Variants in ASIC2 observed in about 807,000 individuals in gnomAD.
ASIC2 encodes acid sensing ion channel subunit 2.
In ASIC2, 25 loss-of-function variants were observed where a neutral mutation model predicts 57.3. The observed-to-expected ratio is 0.44, with a 90% CI of 0.32 to 0.61. The LOEUF (loss-of-function observed/expected upper bound fraction) is 0.61, where lower values mean the gene tolerates loss of function less well. Ranked by LOEUF, ASIC2 falls within the 20% of genes least tolerant of loss-of-function variation. The probability of loss-of-function intolerance (pLI) is 0.06; values close to 1 mark genes in which losing one functional copy is unlikely to be tolerated. For missense variants in ASIC2, 641 were observed against 738.1 expected (o/e 0.87, Z 1.52); for synonymous variants, 319 against 307.5 (o/e 1.04, Z -0.39).
intron 1 of ASIC2, among the ~76,000 whole-genome samples, chr17:33,528,167 G>GGGGTGTGTGTGTGTGTGTGTGTGTGT (rs71362891): frequency 7.0e-5 from 10 of 143,406 alleles, no homozygotes; most frequent in African/African-American, 1.0e-4. Context: ...GTATGTGGTA[G>GGGGTGTGTGTGTGTGTGTGTGTGTGT]GTGTGTGTGT....
chr17:34,065,933 T>G (rs898608151), intron 1 of ASIC2, among the ~76,000 whole-genome samples: 2 of 152,140 alleles, frequency 1.3e-5, no homozygotes, highest in Non-Finnish European at 2.9e-5. Context: ...TCCTAGAAAC[T>G]TATTTAATCC....
At chr17:33,293,393 ACTGTGGCCG>A (rs1905591227), upstream of ASIC2, among the ~76,000 whole-genome samples, 1 of 151,290 alleles carries the variant, frequency 6.6e-6, no homozygotes, top group South Asian at 2.1e-4. Context: ...ATTCCTGGCC[ACTGTGGCCG>A]CTGCACACCG....
At position 33,745,536 on chromosome 17, in the gene ASIC2, A is replaced by C. The variant is rs537242891; in HGVS notation, c.555+410442T>G. Reference sequence around the variant, plus strand: ...AGTCAAAAAAAAAAAAAATCTTAAAAGCAGAAAGAGAAAAATGACTCATCA... The same window carrying C: ...AGTCAAAAAAAAAAAAAATCTTAAACGCAGAAAGAGAAAAATGACTCATCA... On this transcript the variant is annotated intron_variant, in intron 1 of 9. Transcript: ENST00000359872. 5.9e-5 allele frequency among the ~76,000 whole-genome samples: 9 copies of C among 152,166 alleles called. No individual in the cohort carries two copies. The East Asian group carries it at 1.5e-3, about 26-fold the overall frequency.
At chr17:33,281,713 T>C (rs1597664606) in intron 1 of ASIC2, among the ~76,000 whole-genome samples, 1 of 152,174 alleles carries the variant, frequency 6.6e-6, no homozygotes, top group African/African-American at 2.4e-5. Context: ...CGAGGCAGGG[T>C]GTGTCTTAGG....
intron 1 of ASIC2, among the ~76,000 whole-genome samples, chr17:33,472,983 T>C (rs118112199): frequency 0.033 from 5,006 of 152,358 alleles, 89 homozygotes; most frequent in Middle Eastern, 0.078. Context: ...AAAATGGGAA[T>C]ACTAATAGTT....
intron 1 of ASIC2, among the ~76,000 whole-genome samples, chr17:33,363,027 A>G (rs932800671): frequency 1.3e-5 from 2 of 152,210 alleles, no homozygotes; most frequent in Non-Finnish European, 2.9e-5. Flanking sequence ...CTTTGCTTCT[A>G]TTTCCTCTTG....
intron 1 of ASIC2, among the ~76,000 whole-genome samples, chr17:34,010,329 C>T (rs1018814196): frequency 6.6e-6 from 1 of 152,114 alleles, no homozygotes; most frequent in African/African-American, 2.4e-5. Flanking sequence ...GAGCACCAGC[C>T]CCTGAGGTGC....
At chr17:33,814,554 T>C (rs933913407) in intron 1 of ASIC2, among the ~76,000 whole-genome samples, 2 of 152,208 alleles carry the variant, frequency 1.3e-5, no homozygotes, top group African/African-American at 4.8e-5. Context: ...ACCTGGAAGA[T>C]TTCTCTTATG....
intron 1 of ASIC2, among the ~76,000 whole-genome samples, chr17:33,171,663 A>G (rs1352176669): frequency 6.6e-6 from 1 of 152,198 alleles, no homozygotes; most frequent in East Asian, 1.9e-4. Flanking sequence ...CCTTCAAAAC[A>G]CAAATCTGAT....
intron 3 of ASIC2, among the ~76,000 whole-genome samples, chr17:33,085,441 A>G (rs1203981097): frequency 6.6e-6 from 1 of 152,386 alleles, no homozygotes; most frequent in East Asian, 1.9e-4. Flanking sequence ...GTGTTTGAGG[A>G]CCAGGATCAA....
At chr17:34,052,243 C>T (rs1002657831) in intron 1 of ASIC2, among the ~76,000 whole-genome samples, 1 of 152,140 alleles carries the variant, frequency 6.6e-6, no homozygotes, top group Non-Finnish European at 1.5e-5. Context: ...CCTTATTGCC[C>T]CTGAGCCAAG....
At chr17:33,736,362 A>T (rs540063773) in intron 1 of ASIC2, among the ~76,000 whole-genome samples, 1 of 152,116 alleles carries the variant, frequency 6.6e-6, no homozygotes, top group Non-Finnish European at 1.5e-5. Context: ...TGAAAATCCC[A>T]TATTTTATCA....
rs1442072224 is a variant in ASIC2, at chr17:33,515,845, T to C, written c.556-403778A>G. ...GTGCGGTGGCTCACGCCTGTAATCC[T>C]GGCACTTTGGGAGGCTGAGGTGGAT... On this transcript the variant is annotated intron_variant, in intron 1 of 9. Coordinates refer to the ASIC2 transcript ENST00000359872. 2.0e-5 allele frequency among the ~76,000 whole-genome samples: 3 copies of C among 152,236 alleles called. No homozygotes were observed. The East Asian group carries it at 5.8e-4, about 29-fold the overall frequency.
chr17:34,071,498 A>C (rs2142068462), intron 1 of ASIC2: 2 of 152,260 alleles, frequency 1.3e-5, no homozygotes, highest in Non-Finnish European at 2.9e-5. Context: ...CTTATAAAAG[A>C]AGAGGGGGCG....
chr17:33,949,849 T>C (rs1376696562), intron 1 of ASIC2, among the ~76,000 whole-genome samples: 2 of 152,330 alleles, frequency 1.3e-5, no homozygotes, highest in East Asian at 3.9e-4. Context: ...TTAATTATTA[T>C]TTTATTATTC....
At chr17:34,130,167 TCTGA>T (rs1190515875) in intron 1 of ASIC2, among the ~76,000 whole-genome samples, 1 of 152,234 alleles carries the variant, frequency 6.6e-6, no homozygotes, top group Non-Finnish European at 1.5e-5. Context: ...GACAGAATGC[TCTGA>T]CTGAGCCTGT....
chr17:33,909,511 G>A (rs558693933), intron 1 of ASIC2, among the ~76,000 whole-genome samples: 2 of 152,314 alleles, frequency 1.3e-5, no homozygotes, highest in South Asian at 4.2e-4. Flanking sequence ...GAACCACGGA[G>A]CATGGGCTAT....
intron 1 of ASIC2, among the ~76,000 whole-genome samples, chr17:33,134,024 C>T (rs1038355529): frequency 1.3e-5 from 2 of 152,186 alleles, no homozygotes; most frequent in African/African-American, 4.8e-5. Context: ...TTGAGGGACT[C>T]CTTCACTCAT....
chr17:33,958,635 G>C (rs373839696), intron 1 of ASIC2, among the ~76,000 whole-genome samples: 2 of 152,106 alleles, frequency 1.3e-5, no homozygotes, highest in South Asian at 4.1e-4. Context: ...CACACTGAAG[G>C]GGGGGTCTTG....
Sources: allele counts gnomAD v4.1 joint callset (sites outside exome capture counted in the v4.1 genomes callset), GRCh38; gene constraint gnomAD v4.1.1; transcripts MANE v1.5; gene names NCBI Gene and HGNC (gene_info 2026-07-23, HGNC 2026-07-21).